VPS35L: variants seen among roughly 807,000 people sequenced by gnomAD.
VPS35L encodes VPS35 endosomal protein sorting factor like, also known as VPS35 endosomal protein-sorting factor-like.
A neutral mutation model predicts 133.0 loss-of-function variants in VPS35L; 83 were observed. The observed-to-expected ratio is 0.62, with a 90% confidence interval of 0.52 to 0.75. The LOEUF is 0.75. VPS35L is among the 30% of genes least tolerant of loss of function. VPS35L has a pLI of 0.00. For missense variants in VPS35L, 1,083 were observed against 1,206.8 expected (o/e 0.90, Z 1.52); for synonymous variants, 423 against 449.9 (o/e 0.94, Z 0.76).
In VPS35L at chr16:19,665,296, C is replaced by T. The variant is rs191184710; in HGVS notation, c.2222-3864C>T. On this transcript the variant is annotated intron_variant, in intron 26 of 30. Transcript: ENST00000417362. ...TCATTCTTTCTATTTTTATTTTGTA[C>T]GCAGTAACCATTCCCACTCCCCACC... Among the ~76,000 whole-genome samples the T allele has an allele frequency of 5.3e-4, 80 of 152,192 alleles. 1 individual carries two copies. The highest frequency in any genetic ancestry group is 4.8e-3 in the South Asian group (23 of 4,828).
chr16:19,632,495 T>C (rs1442573522), intron 18 of VPS35L, among the ~76,000 whole-genome samples: 1 of 152,244 alleles, frequency 6.6e-6, no homozygotes, highest in Admixed American at 6.5e-5. Context: ...TTTTGCTCTA[T>C]AGAGTTGCAA....
chr16:19,696,116 C>T (rs1975901086), intron 29 of VPS35L, among the ~76,000 whole-genome samples: 3 of 152,136 alleles, frequency 2.0e-5, no homozygotes, highest in East Asian at 3.9e-4. Flanking sequence ...GATCTCCTGA[C>T]CTCATGATGC....
chr16:19,615,786 G>T (rs980848378), intron 12 of VPS35L, among the ~76,000 whole-genome samples: 1 of 151,664 alleles, frequency 6.6e-6, no homozygotes, highest in Non-Finnish European at 1.5e-5. Context: ...GGCCAATGTG[G>T]TGAAACCCTG....
Position 19,616,791 on chromosome 16 carries a change from TC to T in VPS35L, c.1209del (p.Tyr404ThrfsTer8). ...CATGGACTGGATCTTCCAGTGCATC[TC>T]CTACCATGCCCCCGAGGTAACTGCC... Reference protein sequence around the residue: ...PAMDWIFQCISYHAPEALLTE... With the variant: ...PAMDWIFQCIXYHAPEALLTE... On this transcript the variant is annotated frameshift_variant, in exon 14 of 31. Transcript: ENST00000417362. LOFTEE classifies it high-confidence loss of function. 6.2e-7 allele frequency: 1 copy of T among 1,614,192 alleles called. No homozygotes were observed.
intron 3 of VPS35L, among the ~76,000 whole-genome samples, chr16:19,570,877 A>ATATATATATATC (rs1971356102): frequency 1.9e-5 from 1 of 53,730 alleles, no homozygotes; most frequent in Non-Finnish European, 3.3e-5. Context: ...ATATATATAT[A>ATATATATATATC]TATATATATA....
intron 1 of VPS35L, among the ~76,000 whole-genome samples, chr16:19,557,410 T>C (rs553380818): frequency 3.3e-5 from 5 of 152,310 alleles, no homozygotes; most frequent in Non-Finnish European, 7.3e-5. Context: ...GTTGTTTTTG[T>C]TGAGACGGAG....
At chr16:19,611,823 A>G (rs1001781435) in intron 12 of VPS35L, 2 of 152,042 alleles carry the variant, frequency 1.3e-5, no homozygotes, top group Non-Finnish European at 2.9e-5. Flanking sequence ...ACAACTTTTG[A>G]ATATATTAAA....
intron 9 of VPS35L, among the ~76,000 whole-genome samples, chr16:19,605,405 T>C (rs1972509985): frequency 6.6e-6 from 1 of 152,218 alleles, no homozygotes; most frequent in Non-Finnish European, 1.5e-5. Flanking sequence ...GTCATGTCAT[T>C]GCCATTCCTG....
At chr16:19,650,602 C>A in intron 25 of VPS35L, 143 bp downstream of exon 25, 1 of 676,970 alleles carries the variant, frequency 1.5e-6, no homozygotes, top group South Asian at 2.0e-5. Flanking sequence ...TTAATTTTTC[C>A]CTGTATCTAT....
intron 14 of VPS35L, among the ~76,000 whole-genome samples, chr16:19,622,174 C>T (rs78009075): frequency 0.048 from 6,408 of 134,584 alleles, 364 homozygotes; most frequent in East Asian, 0.15. Flanking sequence ...AGACGGAGTC[C>T]TGCTCTGTCA....
intron 26 of VPS35L, among the ~76,000 whole-genome samples, chr16:19,667,866 C>T (rs564136937): frequency 6.6e-6 from 1 of 151,922 alleles, no homozygotes; most frequent in Non-Finnish European, 1.5e-5. Context: ...CTGCCCATGA[C>T]AGTACCCTGT....
At chr16:19,688,288 C>T (rs1365115331) in intron 28 of VPS35L, among the ~76,000 whole-genome samples, 2 of 152,074 alleles carry the variant, frequency 1.3e-5, no homozygotes, top group African/African-American at 4.8e-5. Context: ...TAAATATTGT[C>T]TCTTTTGAAT....
intron 8 of VPS35L, among the ~76,000 whole-genome samples, chr16:19,597,797 A>G (rs1972264331): frequency 1.3e-5 from 2 of 152,188 alleles, no homozygotes; most frequent in Admixed American, 6.5e-5. Context: ...TGTTCACTTT[A>G]TAAAAAAGGA....
intron 27 of VPS35L, among the ~76,000 whole-genome samples, chr16:19,674,184 C>CTTTTTCTTTTTTTTTTT (rs1555507022): frequency 2.8e-5 from 2 of 70,906 alleles, no homozygotes; most frequent in African/African-American, 1.3e-4. Flanking sequence ...TTTTCTTTTT[C>CTTTTTCTTTTTTTTTTT]TTTTTTTTTT....
At chr16:19,659,706 G>A (rs1345843438) in intron 26 of VPS35L, among the ~76,000 whole-genome samples, 1 of 152,120 alleles carries the variant, frequency 6.6e-6, no homozygotes, top group Non-Finnish European at 1.5e-5. Flanking sequence ...ACTTGCCTGT[G>A]GATAACTTGG....
In VPS35L at chr16:19,610,320, A is replaced by G. The variant is rs1409417882; in HGVS notation, c.930-2A>G. On this transcript the variant is annotated splice_acceptor_variant, in intron 11 of 30. Coordinates refer to ENST00000417362, the MANE Select transcript of VPS35L (RefSeq NM_020314.7). LOFTEE classifies it high-confidence loss of function. ...ATGCTGGCCTGTTTTTGTCTCTTGC[A>G]GGGGAATTTCAGAGTGCCTGCCCCG... 6.2e-7 allele frequency: 1 copy of G among 1,613,714 alleles called. No homozygotes were observed. Among genetic ancestry groups the G allele is most frequent in the Non-Finnish European group, 8.5e-7 (1 of 1,179,780 alleles).
At chr16:19,666,904 CTTTCTTTCTTTCTTT>C (rs1974690560) in intron 26 of VPS35L, among the ~76,000 whole-genome samples, 4 of 80,768 alleles carry the variant, frequency 5.0e-5, no homozygotes, top group East Asian at 7.7e-4. Context: ...TTCTTTCTTT[CTTTCTTTCTTTCTTT>C]CTTTCTTTCT....
At chr16:19,569,818 A>AATC (rs1182148853) in intron 3 of VPS35L, among the ~76,000 whole-genome samples, 1 of 151,872 alleles carries the variant, frequency 6.6e-6, no homozygotes, top group East Asian at 1.9e-4. Context: ...ATAGGTACAC[A>AATC]CTACTGTGCC....
chr16:19,681,116 G>A (rs1468509666), intron 27 of VPS35L, among the ~76,000 whole-genome samples: 3 of 152,202 alleles, frequency 2.0e-5, no homozygotes, highest in Non-Finnish European at 2.9e-5. Context: ...CTGGACGTGT[G>A]TGCCAGCCCC....
Sources: gnomAD v4.1 joint callset for allele counts (sites outside exome capture counted in the v4.1 genomes callset) on GRCh38, gnomAD v4.1.1 for gene constraint, MANE v1.5 for transcripts, NCBI Gene and HGNC (gene_info 2026-07-23, HGNC 2026-07-21) for gene names.